Variants in TRIM71 observed in about 807,000 individuals in gnomAD.
TRIM71 encodes tripartite motif containing 71, also known as E3 ubiquitin-protein ligase TRIM71.
In TRIM71, 9 loss-of-function variants were observed where a neutral mutation model predicts 61.2. That is an observed-to-expected ratio of 0.15 (90% confidence interval 0.09 to 0.26). The LOEUF is 0.26. Among genes scored for constraint, TRIM71 ranks in the 10% least tolerant of loss-of-function variants. TRIM71 has a pLI of 1.00. For synonymous variants in TRIM71, 645 were observed against 553.2 expected (o/e 1.17, Z -2.33); for missense variants, 998 against 1,238.7 (o/e 0.81, Z 2.92).
At chr3:32,828,502 C>CTT (rs67014189) in intron 1 of TRIM71, among the ~76,000 whole-genome samples, 8,459 of 93,158 alleles carry the variant, frequency 0.091, 655 homozygotes, top group Non-Finnish European at 0.11. Context: ...CAATTGTAAA[C>CTT]TTTTTTTTTT....
At position 32,895,428 on chromosome 3, in the gene TRIM71, CTTAATTA is replaced by C. The variant is rs1359196515; in HGVS notation, c.*3620_*3626del. The C allele has an allele frequency of 6.6e-6, 1 of 152,154 alleles. No individual in the cohort carries two copies. Among genetic ancestry groups the C allele is most frequent in the Non-Finnish European group, 1.5e-5 (1 of 68,028 alleles). The allele number at this position is 152,154 out of a possible 1,614,324, so 9.4% of individuals were successfully genotyped here. A position where few individuals can be genotyped will look rare whatever the true frequency, so the allele number is the denominator to read the frequency against. On this transcript the variant is annotated 3_prime_UTR_variant, in exon 4 of 4. Coordinates refer to ENST00000383763, the MANE Select transcript of TRIM71 (RefSeq NM_001039111.3). Reference sequence around the variant, plus strand: ...CTGATTTATTCTAGTTAAGCCAAAGCTTAATTATTTGAGGAGGAAAGTCTTTTAGGCT... The same window carrying C: ...CTGATTTATTCTAGTTAAGCCAAAGCTTTGAGGAGGAAAGTCTTTTAGGCT...
chr3:32,845,567 A>G (rs1028189993), intron 1 of TRIM71, among the ~76,000 whole-genome samples: 1 of 152,186 alleles, frequency 6.6e-6, no homozygotes. Flanking sequence ...TCTTTAACTC[A>G]GTGGTCACTA....
chr3:32,857,919 C>T (rs549407912), intron 1 of TRIM71, among the ~76,000 whole-genome samples: 52 of 152,022 alleles, frequency 3.4e-4, no homozygotes, highest in African/African-American at 1.2e-3. Context: ...TGCAGCAAGC[C>T]GAGATCGCAC....
At position 32,852,279 on chromosome 3, in the gene TRIM71, C is replaced by A. The variant is rs116778646; in HGVS notation, c.853-21539C>A. 5.3e-3 allele frequency among the ~76,000 whole-genome samples: 813 copies of A among 152,218 alleles called. 10 individuals carry two copies. Among genetic ancestry groups the A allele is most frequent in the African/African-American group, 0.018 (765 of 41,530 alleles). On this transcript the variant is annotated intron_variant, in intron 1 of 3. Transcript: ENST00000383763. ...AGGACATTGAGGGCTGTGTTCCTTT[C>A]TCTGACCAGAGGGAGGGTGGGGGTT... is the stretch of plus-strand genomic sequence containing the variant.
intron 1 of TRIM71, among the ~76,000 whole-genome samples, chr3:32,819,171 C>T (rs1329828266): frequency 6.6e-6 from 1 of 152,202 alleles, no homozygotes; most frequent in Non-Finnish European, 1.5e-5. Flanking sequence ...GGGGTCCTCC[C>T]TTTTCTGATT....
In TRIM71 at chr3:32,891,935, C is replaced by A; in HGVS notation, c.*124C>A. On this transcript the variant is annotated 3_prime_UTR_variant, in exon 4 of 4. Transcript: ENST00000383763. This position sits in a 1 kb window ranked among gnomAD's most constrained non-coding sequence, Gnocchi z 8.2. ...ACAGTCTCAGGGAAATTTCTTTTTT[C>A]TTTTTTTTTTTTAAAGAGAACAAGA... 3.7e-6 allele frequency: 4 copies of A among 1,077,648 alleles called. No homozygotes were observed. The highest frequency in any genetic ancestry group is 3.7e-6 in the Non-Finnish European group (3 of 818,760). The allele number at this position is 1,077,648 out of a possible 1,614,324, so 66.8% of individuals were successfully genotyped here.
chr3:32,839,998 A>T (rs930700231), intron 1 of TRIM71, among the ~76,000 whole-genome samples: 2 of 152,168 alleles, frequency 1.3e-5, no homozygotes, highest in Non-Finnish European at 2.9e-5. Flanking sequence ...GTTAATTCAA[A>T]CGCTCCAGTT....
chr3:32,885,367 G>C (rs1351543838), intron 2 of TRIM71, among the ~76,000 whole-genome samples: 3 of 152,164 alleles, frequency 2.0e-5, no homozygotes, highest in Non-Finnish European at 4.4e-5. Context: ...GATGGTCTCT[G>C]ACCACGGGGC....
intron 1 of TRIM71, 147 bp from the exon 2 acceptor site, chr3:32,873,671 G>A (rs778166553): frequency 9.2e-6 from 6 of 655,310 alleles, no homozygotes; most frequent in African/African-American, 1.8e-5. Context: ...TTGCAGTTAC[G>A]CCACTGCTGC....
At chr3:32,825,353 A>G (rs1028516836) in intron 1 of TRIM71, among the ~76,000 whole-genome samples, 1 of 152,048 alleles carries the variant, frequency 6.6e-6, no homozygotes, top group African/African-American at 2.4e-5. Context: ...GTGTTTATAA[A>G]TTTTTCTGGT....
chr3:32,850,210 A>T (rs529436963), intron 1 of TRIM71, among the ~76,000 whole-genome samples: 1 of 152,158 alleles, frequency 6.6e-6, no homozygotes, highest in Admixed American at 6.5e-5. Flanking sequence ...AGGGTTTTCT[A>T]TAGGAGGATG....
chr3:32,864,671 C>T lies in TRIM71; in HGVS notation c.853-9147C>T, dbSNP rs529481162. On this transcript the variant is annotated intron_variant, in intron 1 of 3. Coordinates refer to ENST00000383763, the MANE Select transcript of TRIM71 (RefSeq NM_001039111.3). ...CCCAGGGGCAGAGCATGAGTGTCTG[C>T]CGTCTGCCCTCAGGGCTCAGGCTCA... Among the ~76,000 whole-genome samples the T allele has an allele frequency of 1.4e-4, 22 of 152,310 alleles. No homozygotes were observed. In the South Asian group the frequency reaches 4.3e-3, roughly 30 times the overall value.
chr3:32,866,909 G>A (rs1696742334), intron 1 of TRIM71, among the ~76,000 whole-genome samples: 2 of 152,092 alleles, frequency 1.3e-5, no homozygotes, highest in Admixed American at 1.3e-4. Flanking sequence ...GGGAAGAAGG[G>A]AGCATGGTGT....
chr3:32,892,441 T>G lies in TRIM71; in HGVS notation c.*630T>G, dbSNP rs1697037524. On this transcript the variant is annotated 3_prime_UTR_variant, in exon 4 of 4. Coordinates refer to ENST00000383763, the MANE Select transcript of TRIM71 (RefSeq NM_001039111.3). ...CAGAGAAATTTCCTCTGTTCTCTGT[T>G]TATACCTCAGTGTGTTTAACATCCT... 6.6e-6 allele frequency: 1 copy of G among 152,308 alleles called. No homozygotes were observed. Among genetic ancestry groups the G allele is most frequent in the African/African-American group, 2.4e-5 (1 of 41,454 alleles). 9.4% of individuals were successfully genotyped at this position (152,308 alleles called of 1,614,324 possible). A position where few individuals can be genotyped will look rare whatever the true frequency, so the allele number is the denominator to read the frequency against.
rs751842114 is a variant in TRIM71 at position 32,818,165 on chromosome 3, T to TCGTCCGCGTCGTCGTCCTCCTCGCAGA, written c.91_117dup (p.Ala31_Ser39dup). On this transcript the variant is annotated inframe_insertion, in exon 1 of 4. Transcript: ENST00000383763. ...CTCGCCGGCGCCGCTCTCCTCCAAC[T>TCGTCCGCGTCGTCGTCCTCCTCGCAGA]CGTCCGCGTCGTCGTCCTCCTCGCA... 1.0e-5 allele frequency: 16 copies of TCGTCCGCGTCGTCGTCCTCCTCGCAGA among 1,604,070 alleles called. No homozygotes were observed. Among genetic ancestry groups the TCGTCCGCGTCGTCGTCCTCCTCGCAGA allele is most frequent in the Non-Finnish European group, 1.3e-5 (15 of 1,176,018 alleles).
chr3:32,866,604 G>C (rs983158889), intron 1 of TRIM71, among the ~76,000 whole-genome samples: 1 of 152,204 alleles, frequency 6.6e-6, no homozygotes. Context: ...TGTGCTACTG[G>C]AGTATGTTGA....
chr3:32,869,974 C>G (rs1000756849), intron 1 of TRIM71, among the ~76,000 whole-genome samples: 3 of 152,370 alleles, frequency 2.0e-5, no homozygotes, highest in East Asian at 1.9e-4. Flanking sequence ...CCCTTCCCCC[C>G]TTTCCCGGGA....
intron 1 of TRIM71, among the ~76,000 whole-genome samples, chr3:32,839,184 G>A (rs1043758634): frequency 6.6e-6 from 1 of 152,094 alleles, no homozygotes; most frequent in Non-Finnish European, 1.5e-5. Flanking sequence ...TATTATACAT[G>A]CCATTCAGAA....
intron 1 of TRIM71, among the ~76,000 whole-genome samples, chr3:32,858,544 C>T (rs1330661142): frequency 6.6e-6 from 1 of 152,116 alleles, no homozygotes; most frequent in African/African-American, 2.4e-5. Flanking sequence ...GTTGGAGGCC[C>T]AGGAGGAAGT....
Sources: allele counts gnomAD v4.1 joint callset (sites outside exome capture counted in the v4.1 genomes callset), GRCh38; gene constraint gnomAD v4.1.1; non-coding constraint Gnocchi (gnomAD v3.1); transcripts MANE v1.5; gene names NCBI Gene and HGNC (gene_info 2026-07-23, HGNC 2026-07-21).